The following MALRD1 variants were observed in gnomAD, a reference collection of about 807,000 sequenced individuals.
The protein encoded by MALRD1 is MAM and LDL-receptor class A domain-containing protein 1.
A neutral mutation model predicts 242.1 loss-of-function variants in MALRD1; 247 were observed. The ratio of observed to expected loss-of-function variants is 1.02; its 90% CI spans 0.92 to 1.13. The LOEUF is 1.13. Ranked by LOEUF, MALRD1 falls within the 50% of genes most tolerant of loss-of-function variation. The pLI, the probability that MALRD1 is intolerant of heterozygous loss-of-function variation, is 0.00. For missense variants in MALRD1, 2,989 were observed against 2,533.1 expected (o/e 1.18, Z -3.86); for synonymous variants, 995 against 866.6 (o/e 1.15, Z -2.60).
At chr10:19,589,140 A>T (rs867269911) in intron 33 of MALRD1, among the ~76,000 whole-genome samples, 1 of 152,232 alleles carries the variant, frequency 6.6e-6, no homozygotes, top group Non-Finnish European at 1.5e-5. Context: ...CATACAATGT[A>T]CAGACTGAAA....
At chr10:19,377,843 A>C (rs1845674850) in intron 26 of MALRD1, among the ~76,000 whole-genome samples, 1 of 152,096 alleles carries the variant, frequency 6.6e-6, no homozygotes, top group Non-Finnish European at 1.5e-5. Context: ...ATAAATAATG[A>C]AATATAATTT....
At chr10:19,659,747 T>G in intron 36 of MALRD1, among the ~76,000 whole-genome samples, 1 of 152,144 alleles carries the variant, frequency 6.6e-6, no homozygotes, top group East Asian at 1.9e-4. Context: ...ATAAATAAAA[T>G]ATATAAGGTA....
At chr10:19,367,462 T>A (rs947511854) in intron 26 of MALRD1, among the ~76,000 whole-genome samples, 1 of 152,176 alleles carries the variant, frequency 6.6e-6, no homozygotes, top group Middle Eastern at 3.2e-3. Context: ...TTTTTATGGC[T>A]GAATAAGATT....
In MALRD1 at chr10:19,066,955, C is replaced by T. The variant is rs548328159; in HGVS notation, c.340+96C>T. The stretch of plus-strand genomic sequence containing the variant: ...CGTTCTTTCCCACCTCCCTTTCTTC[C>T]GTTCCCCACCACATGTTTAATTAGG... On this transcript the variant is annotated intron_variant, in intron 2 of 39. Coordinates refer to ENST00000454679, the MANE Select transcript of MALRD1 (RefSeq NM_001142308.3). 45 of 878,118 alleles carry T rather than the reference C, an allele frequency of 5.1e-5. No homozygotes were observed. The South Asian group carries it at 1.7e-3, about 33-fold the overall frequency. The allele number at this position is 878,118 out of a possible 1,614,324, so 54.4% of individuals were successfully genotyped here.
intron 36 of MALRD1, among the ~76,000 whole-genome samples, chr10:19,660,643 T>A (rs1841387275): frequency 6.6e-6 from 1 of 152,170 alleles, no homozygotes; most frequent in South Asian, 2.1e-4. Flanking sequence ...AGAGCGATTG[T>A]CATCACTTGA....
intron 38 of MALRD1, among the ~76,000 whole-genome samples, chr10:19,719,239 T>TATACATAC (rs1554830459): frequency 3.4e-5 from 4 of 117,324 alleles, no homozygotes; most frequent in African/African-American, 1.5e-4. Context: ...TATATATATA[T>TATACATAC]ATATATATAT....
chr10:19,193,079 A>C (rs147095672), intron 14 of MALRD1, among the ~76,000 whole-genome samples: 1 of 152,174 alleles, frequency 6.6e-6, no homozygotes, highest in East Asian at 1.9e-4. Flanking sequence ...TTCAGTTTTG[A>C]AATTTATTAG....
chr10:19,109,040 A>G (rs1298805939), intron 5 of MALRD1, among the ~76,000 whole-genome samples: 1 of 152,034 alleles, frequency 6.6e-6, no homozygotes, highest in East Asian at 1.9e-4. Flanking sequence ...TGTGCTTTAG[A>G]GTATTGGTTA....
chr10:19,519,364 A>G (rs1403802291), intron 31 of MALRD1, among the ~76,000 whole-genome samples: 1 of 152,170 alleles, frequency 6.6e-6, no homozygotes, highest in East Asian at 1.9e-4. Flanking sequence ...TTTATCAAGG[A>G]GAATGACAAA....
At chr10:19,378,121 A>G (rs1845686973) in intron 26 of MALRD1, among the ~76,000 whole-genome samples, 1 of 152,132 alleles carries the variant, frequency 6.6e-6, no homozygotes, top group South Asian at 2.1e-4. Flanking sequence ...TCTAAACTTG[A>G]CACTTCTAGA....
chr10:19,164,474 A>G (rs1834581827), intron 12 of MALRD1, among the ~76,000 whole-genome samples: 1 of 152,208 alleles, frequency 6.6e-6, no homozygotes, highest in Non-Finnish European at 1.5e-5. Flanking sequence ...CACTGAATCT[A>G]AAGAGAAGTA....
chr10:19,237,653 A>AT (rs1449325262), intron 18 of MALRD1, among the ~76,000 whole-genome samples: 1 of 104,572 alleles, frequency 9.6e-6, no homozygotes, highest in African/African-American at 3.7e-5. Flanking sequence ...AATTATTATA[A>AT]TTATATATAA....
intron 24 of MALRD1, among the ~76,000 whole-genome samples, chr10:19,342,151 A>G (rs1051944576): frequency 1.3e-5 from 2 of 152,072 alleles, no homozygotes; most frequent in African/African-American, 4.8e-5. Context: ...GAAACTTTTT[A>G]TCATTTCGTA....
chr10:19,281,895 G>A (rs1840829311), intron 20 of MALRD1, among the ~76,000 whole-genome samples: 1 of 149,004 alleles, frequency 6.7e-6, no homozygotes, highest in East Asian at 2.0e-4. Flanking sequence ...AATTGCTTGA[G>A]CCTGGGAGGG....
At chr10:19,585,789 G>A (rs1190923202) in intron 33 of MALRD1, among the ~76,000 whole-genome samples, 1 of 152,118 alleles carries the variant, frequency 6.6e-6, no homozygotes, top group African/African-American at 2.4e-5. Context: ...CTAGATTGGG[G>A]AAGTTCTCCT....
chr10:19,267,836 C>G (rs557772404), intron 19 of MALRD1, among the ~76,000 whole-genome samples: 1 of 151,990 alleles, frequency 6.6e-6, no homozygotes, highest in East Asian at 1.9e-4. Context: ...GAAATTTGAG[C>G]CTTGGTGATT....
At chr10:19,554,048 A>G (rs1835607217) in intron 32 of MALRD1, among the ~76,000 whole-genome samples, 1 of 152,226 alleles carries the variant, frequency 6.6e-6, no homozygotes, top group Admixed American at 6.5e-5. Context: ...TATAGCATTT[A>G]TATTACAGTG....
chr10:19,639,469 A>G (rs1840291055), intron 36 of MALRD1, among the ~76,000 whole-genome samples: 1 of 152,156 alleles, frequency 6.6e-6, no homozygotes, highest in African/African-American at 2.4e-5. Flanking sequence ...TTCACACCAT[A>G]CATTTTGAGA....
intron 18 of MALRD1, among the ~76,000 whole-genome samples, chr10:19,256,659 A>G (rs1324543309): frequency 2.6e-5 from 4 of 152,086 alleles, no homozygotes; most frequent in Non-Finnish European, 5.9e-5. Context: ...GGTAGACCTC[A>G]AGAAAGGGTA....
Sources: gnomAD v4.1 joint callset for allele counts (sites outside exome capture counted in the v4.1 genomes callset) on GRCh38, gnomAD v4.1.1 for gene constraint, MANE v1.5 for transcripts, NCBI Gene and HGNC (gene_info 2026-07-23, HGNC 2026-07-21) for gene names.